CTNNA3: variants seen among roughly 807,000 people sequenced by gnomAD.
The protein encoded by CTNNA3 is catenin alpha 3, also known as catenin alpha-3.
A neutral mutation model predicts 95.7 loss-of-function variants in CTNNA3; 76 were observed. That is an observed-to-expected ratio of 0.79 (90% CI 0.66 to 0.96). The LOEUF is 0.96. Among genes scored for constraint, CTNNA3 ranks in the 40% least tolerant of loss-of-function variants. The pLI is 0.00. For synonymous variants in CTNNA3, 431 were observed against 374.4 expected, an observed-to-expected ratio of 1.15 and a Z score of -1.74; for missense variants, 1,191 against 1,089.8, an observed-to-expected ratio of 1.09 and a Z score of -1.31.
chr10:66,861,122 G>A (rs1229197031), intron 7 of CTNNA3, among the ~76,000 whole-genome samples: 3 of 152,110 alleles, frequency 2.0e-5, no homozygotes, highest in African/African-American at 7.2e-5. Context: ...ACTGTGTTAG[G>A]ATACTATGAT....
intron 7 of CTNNA3, among the ~76,000 whole-genome samples, chr10:66,799,888 T>C (rs947348987): frequency 6.6e-6 from 1 of 150,842 alleles, no homozygotes; most frequent in Non-Finnish European, 1.5e-5. Context: ...ATTACCTTTA[T>C]GGAAATAATA....
chr10:67,372,904 T>C (rs1250011711), intron 5 of CTNNA3, among the ~76,000 whole-genome samples: 1 of 152,104 alleles, frequency 6.6e-6, no homozygotes, highest in East Asian at 1.9e-4. Context: ...AGAAATAAAA[T>C]ACTTTATAGA....
At chr10:66,377,329 C>T (rs1452561917) in intron 12 of CTNNA3, among the ~76,000 whole-genome samples, 1 of 152,032 alleles carries the variant, frequency 6.6e-6, no homozygotes, top group Non-Finnish European at 1.5e-5. Context: ...AAATTATATA[C>T]AACTAATTAG....
intron 13 of CTNNA3, among the ~76,000 whole-genome samples, chr10:66,227,999 C>T (rs1599669): frequency 0.12 from 17,733 of 151,894 alleles, 1,111 homozygotes; most frequent in African/African-American, 0.16. Flanking sequence ...TTTATATTTC[C>T]GTGGTATCTG....
intron 7 of CTNNA3, among the ~76,000 whole-genome samples, chr10:66,788,683 A>G (rs941491526): frequency 6.6e-6 from 1 of 152,196 alleles, no homozygotes; most frequent in Middle Eastern, 3.2e-3. Context: ...TGGGACATAA[A>G]ATATAGATTT....
chr10:67,311,907 T>C (rs1840817975), intron 5 of CTNNA3, among the ~76,000 whole-genome samples: 1 of 151,900 alleles, frequency 6.6e-6, no homozygotes, highest in East Asian at 1.9e-4. Context: ...TTCTACCACA[T>C]TGGATCACCA....
intron 1 of CTNNA3, among the ~76,000 whole-genome samples, chr10:67,702,726 CA>C: frequency 6.6e-6 from 1 of 152,128 alleles, no homozygotes; most frequent in South Asian, 2.1e-4. Context: ...ACTAGAAAAG[CA>C]AGACCAAACA....
chr10:67,421,369 A>G (rs1845744743), intron 5 of CTNNA3, among the ~76,000 whole-genome samples: 1 of 152,224 alleles, frequency 6.6e-6, no homozygotes, highest in African/African-American at 2.4e-5. Flanking sequence ...ACTACAACCC[A>G]GTATTTCAGG....
chr10:66,525,948 C>T (rs1841242853), intron 10 of CTNNA3, among the ~76,000 whole-genome samples: 1 of 152,062 alleles, frequency 6.6e-6, no homozygotes, highest in East Asian at 1.9e-4. Flanking sequence ...ATAATATTTT[C>T]AAGGTTTATT....
At chr10:67,023,307 A>G (rs912650951) in intron 7 of CTNNA3, among the ~76,000 whole-genome samples, 34 of 152,146 alleles carry the variant, frequency 2.2e-4, no homozygotes, top group South Asian at 4.1e-4. Flanking sequence ...AAAAGGTTCT[A>G]TGTAGAGTAG....
chr10:66,969,920 T>C (rs1277121041), intron 7 of CTNNA3, among the ~76,000 whole-genome samples: 1 of 152,122 alleles, frequency 6.6e-6, no homozygotes, highest in Admixed American at 6.5e-5. Flanking sequence ...TGAAAGTTTA[T>C]GAACCTCAGG....
At chr10:67,549,983 ATC>A (rs1243189830) in intron 3 of CTNNA3, among the ~76,000 whole-genome samples, 1 of 152,194 alleles carries the variant, frequency 6.6e-6, no homozygotes, top group African/African-American at 2.4e-5. Flanking sequence ...AAAATTCATA[ATC>A]TGTTTTTTTA....
intron 11 of CTNNA3, among the ~76,000 whole-genome samples, chr10:66,514,689 C>G (rs2132002672): frequency 6.6e-6 from 1 of 152,056 alleles, no homozygotes; most frequent in Admixed American, 6.6e-5. Flanking sequence ...ATTTAGCACT[C>G]ATAATTATGG....
chr10:67,693,308 C>A (rs1228975772), intron 1 of CTNNA3, among the ~76,000 whole-genome samples: 1 of 152,192 alleles, frequency 6.6e-6, no homozygotes, highest in South Asian at 2.1e-4. Context: ...TTCCACCCCG[C>A]TGTACCATCT....
chr10:67,128,477 A>G (rs959245068), intron 7 of CTNNA3, among the ~76,000 whole-genome samples: 6 of 152,092 alleles, frequency 3.9e-5, no homozygotes, highest in African/African-American at 1.4e-4. Flanking sequence ...ATTCTTCCCC[A>G]GGTTAACAAA....
At chr10:67,442,873 T>C (rs534088183) in intron 5 of CTNNA3, among the ~76,000 whole-genome samples, 59 of 151,158 alleles carry the variant, frequency 3.9e-4, no homozygotes, top group Non-Finnish European at 7.8e-4. Context: ...TATACATGTG[T>C]CATGCTGGTG....
At chr10:66,899,624 G>A (rs937384134) in intron 7 of CTNNA3, among the ~76,000 whole-genome samples, 6 of 152,196 alleles carry the variant, frequency 3.9e-5, no homozygotes, top group South Asian at 2.1e-4. Context: ...AGACTGTACC[G>A]GGAAAAACGG....
At chr10:67,668,933 G>A (rs549038503) in intron 1 of CTNNA3, among the ~76,000 whole-genome samples, 5 of 143,738 alleles carry the variant, frequency 3.5e-5, no homozygotes, top group Admixed American at 2.3e-4. Context: ...CCGCCTCCCC[G>A]GTTCAAGTGA....
Position 67,014,085 on chromosome 10 carries a change from C to A in CTNNA3, c.1047+166232G>T, listed in dbSNP as rs1473078023. Among the ~76,000 whole-genome samples, 3 of 152,084 alleles carry A rather than the reference C, an allele frequency of 2.0e-5. No individual in the cohort carries two copies. In the East Asian group the frequency reaches 5.8e-4, roughly 29 times the overall value. On this transcript the variant is annotated intron_variant, in intron 7 of 17. Coordinates refer to ENST00000433211, the MANE Select transcript of CTNNA3 (RefSeq NM_013266.4). ...CTTTTTTCCCCTTAAAGCAAAGAAT[C>A]AACATTAGTTTGTATTTTGGTTCAT...
Sources: allele counts gnomAD v4.1 joint callset (sites outside exome capture counted in the v4.1 genomes callset), GRCh38; gene constraint gnomAD v4.1.1; transcripts MANE v1.5; gene names NCBI Gene and HGNC (gene_info 2026-07-23, HGNC 2026-07-21).